The following LMOD1 variants were observed in gnomAD, a reference collection of about 807,000 sequenced individuals.
The protein encoded by LMOD1 is leiomodin 1.
A neutral mutation model predicts 36.5 loss-of-function variants in LMOD1; 8 were observed. The observed-to-expected ratio is 0.22, with a 90% CI of 0.13 to 0.40. The LOEUF is 0.40. Ranked by LOEUF, LMOD1 falls within the 10% of genes least tolerant of loss-of-function variation. LMOD1 has a pLI of 1.00. For synonymous variants in LMOD1, 284 were observed against 288.7 expected (o/e 0.98, Z 0.17); for missense variants, 630 against 751.1 (o/e 0.84, Z 1.88).
intron 1 of LMOD1, among the ~76,000 whole-genome samples, chr1:201,936,051 G>T (rs1682012558): frequency 6.9e-6 from 1 of 144,222 alleles, no homozygotes; most frequent in Non-Finnish European, 1.5e-5. Context: ...GGAGGCGGAG[G>T]TTGCAGTGAG....
At chr1:201,923,856 G>C (rs1303522812) in intron 1 of LMOD1, among the ~76,000 whole-genome samples, 1 of 149,222 alleles carries the variant, frequency 6.7e-6, no homozygotes, top group Non-Finnish European at 1.5e-5. Flanking sequence ...CCGGGAGTGT[G>C]ATGCTGTCTC....
intron 1 of LMOD1, among the ~76,000 whole-genome samples, chr1:201,937,185 T>C (rs976282524): frequency 6.6e-6 from 1 of 152,198 alleles, no homozygotes; most frequent in African/African-American, 2.4e-5. Context: ...TGGTGGCTCA[T>C]GCCCGTATCC....
intron 1 of LMOD1, 134 bp downstream of exon 1, chr1:201,945,946 C>T (rs1288378612): frequency 2.3e-6 from 2 of 879,824 alleles, no homozygotes; most frequent in Non-Finnish European, 3.6e-6. Flanking sequence ...AGTGGATAAT[C>T]ATCAGTTCTG....
intron 1 of LMOD1, among the ~76,000 whole-genome samples, chr1:201,924,675 A>AAGAAAGAAAGAAAGAG (rs1297392394): frequency 4.2e-4 from 9 of 21,504 alleles, no homozygotes; most frequent in African/African-American, 8.1e-4. Context: ...AAAAGAAAGA[A>AAGAAAGAAAGAAAGAG]AGAAAGAAAG....
In LMOD1 at chr1:201,896,974, C is replaced by T. The variant is rs975152653; in HGVS notation, c.*1398G>A. ...TGGAGGCAGAGAAACCTACAAGTGA[C>T]ACAGACCCAAGGTGGCAGTTCCACA... On this transcript the variant is annotated 3_prime_UTR_variant, in exon 3 of 3. Coordinates refer to ENST00000367288, the MANE Select transcript of LMOD1 (RefSeq NM_012134.3). 11 of 344,724 alleles carry T rather than the reference C, an allele frequency of 3.2e-5. No homozygotes were observed. In the Admixed American group the frequency reaches 3.5e-4, roughly 11 times the overall value. The allele number at this position is 344,724 out of a possible 1,614,324, so 21.4% of individuals were successfully genotyped here. A position where few individuals can be genotyped will look rare whatever the true frequency, so the allele number is the denominator to read the frequency against.
chr1:201,900,655 C>A lies in LMOD1; in HGVS notation c.358G>T (p.Asp120Tyr). 6.2e-7 allele frequency: 1 copy of A among 1,613,932 alleles called. No individual in the cohort carries two copies. The highest frequency in any genetic ancestry group is 1.3e-5 in the African/African-American group (1 of 75,030). ...KKALGPRRDSDLGKEPKRGGL... is the reference protein window; with the variant it reads ...KKALGPRRDSYLGKEPKRGGL... ...CCCCTCTTTGGCTCCTTCCCCAGAT[C>A]TGAGTCCCGTCTGGGGCCCAGGGCT... Residue 120 changes from aspartate (D) to tyrosine (Y), a missense_variant, in exon 2 of 3, where the codon GAT becomes TAT. This residue lies in a region of LMOD1 where 405 missense variants were observed against 400.6 expected (regional missense o/e 1.01). Coordinates refer to ENST00000367288, the MANE Select transcript of LMOD1 (RefSeq NM_012134.3).
intron 1 of LMOD1, among the ~76,000 whole-genome samples, chr1:201,904,968 G>A (rs1023964599): frequency 2.0e-5 from 3 of 152,174 alleles, no homozygotes; most frequent in Non-Finnish European, 4.4e-5. Context: ...GGTACATCCC[G>A]GTGACCTCCA....
At position 201,940,821 on chromosome 1, in the gene LMOD1, G is replaced by A. The variant is rs183799596; in HGVS notation, c.261+5259C>T. Among the ~76,000 whole-genome samples the A allele has an allele frequency of 2.0e-3, 299 of 146,732 alleles. 1 individual carries two copies. Among genetic ancestry groups the A allele is most frequent in the African/African-American group, 7.2e-3 (286 of 39,662 alleles). The stretch of plus-strand genomic sequence containing the variant: ...TGGAGTGCAATGGCACGATCTCGGC[G>A]CACCGTAACCTCCGCCTCCCGGGTT... On this transcript the variant is annotated intron_variant, in intron 1 of 2. Transcript: ENST00000367288.
chr1:201,905,426 C>T (rs1681396396), intron 1 of LMOD1, among the ~76,000 whole-genome samples: 1 of 152,236 alleles, frequency 6.6e-6, no homozygotes, highest in Non-Finnish European at 1.5e-5. Context: ...CTTACCTTGG[C>T]CCTTCTGATG....
At position 201,900,317 on chromosome 1, in the gene LMOD1, G is replaced by T. The variant is rs1681276201; in HGVS notation, c.696C>A (p.Thr232=). ...KVKGERRNTD[T]RKEGEKMKRA... is the part of the protein sequence containing the mutation. ...TTTTCATCTTCTCACCCTCTTTTCT[G>T]GTGTCTGTGTTCCTACGCTCCCCTT... Residue 232 remains threonine, a synonymous_variant, in exon 2 of 3, where the codon ACC becomes ACA. Transcript: ENST00000367288. The T allele has an allele frequency of 2.5e-6, 4 of 1,598,006 alleles. No homozygotes were observed. In the East Asian group the frequency reaches 9.0e-5, roughly 36 times the overall value.
chr1:201,914,927 G>A (rs1165214693), intron 1 of LMOD1, among the ~76,000 whole-genome samples: 1 of 151,986 alleles, frequency 6.6e-6, no homozygotes, highest in Non-Finnish European at 1.5e-5. Flanking sequence ...TGTAGCGCCA[G>A]CCTTCCCGTA....
intron 1 of LMOD1, among the ~76,000 whole-genome samples, chr1:201,905,174 G>A (rs1434061986): frequency 6.6e-6 from 1 of 152,216 alleles, no homozygotes; most frequent in African/African-American, 2.4e-5. Flanking sequence ...AAGCCCGCAG[G>A]GGTGGTTTGG....
chr1:201,905,264 A>G (rs1305263322), intron 1 of LMOD1, among the ~76,000 whole-genome samples: 1 of 152,144 alleles, frequency 6.6e-6, no homozygotes, highest in Non-Finnish European at 1.5e-5. Flanking sequence ...TGAGGTACCT[A>G]GTGATTGGGC....
At chr1:201,916,166 C>T (rs1448266966) in intron 1 of LMOD1, among the ~76,000 whole-genome samples, 1 of 152,036 alleles carries the variant, frequency 6.6e-6, no homozygotes, top group Non-Finnish European at 1.5e-5. Flanking sequence ...GATCCACACA[C>T]CTTGGCCTCT....
intron 1 of LMOD1, among the ~76,000 whole-genome samples, chr1:201,940,746 G>A (rs1400726588): frequency 8.1e-6 from 1 of 123,300 alleles, no homozygotes; most frequent in African/African-American, 2.9e-5. Flanking sequence ...ACCACGCCCA[G>A]CATTTTTTTT....
chr1:201,905,584 G>A (rs7528681), intron 1 of LMOD1, among the ~76,000 whole-genome samples: 31,244 of 152,196 alleles, frequency 0.21, 3,374 homozygotes, highest in South Asian at 0.25. Context: ...GAGCCTCTGT[G>A]TGCTGCATTC....
intron 1 of LMOD1, among the ~76,000 whole-genome samples, chr1:201,911,908 C>T (rs191005100): frequency 2.0e-5 from 3 of 152,216 alleles, no homozygotes; most frequent in Non-Finnish European, 2.9e-5. Context: ...AGAGGCAACC[C>T]GAAGAATACA....
chr1:201,905,946 G>A (rs762586378), intron 1 of LMOD1, among the ~76,000 whole-genome samples: 1 of 152,240 alleles, frequency 6.6e-6, no homozygotes, highest in East Asian at 1.9e-4. Context: ...GCAAGACCGA[G>A]GTGATGGCAG....
intron 1 of LMOD1, among the ~76,000 whole-genome samples, chr1:201,926,822 GC>G (rs1681832954): frequency 6.6e-6 from 1 of 152,192 alleles, no homozygotes; most frequent in East Asian, 1.9e-4. Flanking sequence ...TTTGAGACTA[GC>G]CTGGACATCA....
Sources: allele counts gnomAD v4.1 joint callset (sites outside exome capture counted in the v4.1 genomes callset), GRCh38; gene constraint gnomAD v4.1.1; regional missense constraint gnomAD v4.1.1; transcripts MANE v1.5; gene names NCBI Gene and HGNC (gene_info 2026-07-23, HGNC 2026-07-21).